The following RGS7 variants were observed in gnomAD, a reference collection of about 807,000 sequenced individuals.
RGS7 encodes the protein regulator of G protein signaling 7.
Under a neutral mutation model 81.1 loss-of-function variants are expected in RGS7, and 27 were observed. That is an observed-to-expected ratio of 0.33 (90% CI 0.25 to 0.46). The LOEUF (loss-of-function observed/expected upper bound fraction) is 0.46, where lower values mean the gene tolerates loss of function less well. RGS7 is among the 20% of genes least tolerant of loss of function. RGS7 has a pLI of 1.00. For synonymous variants in RGS7, 208 were observed against 207.7 expected, an observed-to-expected ratio of 1.00 and a Z score of -0.01; for missense variants, 396 against 607.4, an observed-to-expected ratio of 0.65 and a Z score of 3.66.
intron 2 of RGS7, among the ~76,000 whole-genome samples, chr1:241,202,001 GACACACACAGACAC>G (rs2073537336): frequency 2.9e-5 from 2 of 67,864 alleles, no homozygotes; most frequent in African/African-American, 7.9e-5. Flanking sequence ...CAAACACACA[GACACACACAGACAC>G]ACACACACAC....
At chr1:241,184,736 T>C (rs562372152) in intron 2 of RGS7, among the ~76,000 whole-genome samples, 1 of 152,228 alleles carries the variant, frequency 6.6e-6, no homozygotes, top group East Asian at 1.9e-4. Context: ...GAAATCTCAT[T>C]ATGAACGTGC....
intron 2 of RGS7, among the ~76,000 whole-genome samples, chr1:241,322,850 C>T (rs1046587533): frequency 2.0e-5 from 3 of 152,096 alleles, no homozygotes; most frequent in Non-Finnish European, 4.4e-5. Flanking sequence ...ATGTAAAATA[C>T]AGGTACTGTA....
At chr1:241,182,848 T>TGTTC (rs2071750545) in intron 2 of RGS7, among the ~76,000 whole-genome samples, 1 of 151,794 alleles carries the variant, frequency 6.6e-6, no homozygotes. Flanking sequence ...TTTGTTTGTT[T>TGTTC]GTTTTAGTAG....
At chr1:241,048,803 A>G (rs1409551462) in intron 3 of RGS7, among the ~76,000 whole-genome samples, 3 of 152,148 alleles carry the variant, frequency 2.0e-5, no homozygotes, top group African/African-American at 4.8e-5. Context: ...GGGTGGCTTA[A>G]AACAACAGAC....
chr1:241,100,844 T>C (rs1043790544), intron 2 of RGS7, among the ~76,000 whole-genome samples: 1 of 152,244 alleles, frequency 6.6e-6, no homozygotes, highest in Non-Finnish European at 1.5e-5. Context: ...TCCACCTTCA[T>C]GTTTCTTTCC....
At chr1:240,814,551 T>C (rs1412558989) in intron 12 of RGS7, among the ~76,000 whole-genome samples, 165 bp downstream of exon 12, 2 of 152,208 alleles carry the variant, frequency 1.3e-5, no homozygotes, top group African/African-American at 4.8e-5. Flanking sequence ...TCAAAAGAGT[T>C]CTTTGAAAGT....
chr1:240,841,941 T>A (rs1658087523), intron 9 of RGS7, among the ~76,000 whole-genome samples: 1 of 152,148 alleles, frequency 6.6e-6, no homozygotes, highest in African/African-American at 2.4e-5. Context: ...TTAAGATTCT[T>A]GGAAAAGTAG....
At chr1:241,195,455 G>A (rs1329596720) in intron 2 of RGS7, among the ~76,000 whole-genome samples, 3 of 151,976 alleles carry the variant, frequency 2.0e-5, no homozygotes, top group African/African-American at 7.3e-5. Context: ...CAGCCTGGGT[G>A]AAAAGAGCAA....
At chr1:241,180,382 A>C (rs1338118858) in intron 2 of RGS7, among the ~76,000 whole-genome samples, 1 of 151,874 alleles carries the variant, frequency 6.6e-6, no homozygotes, top group Non-Finnish European at 1.5e-5. Flanking sequence ...CTCAAAAAAA[A>C]CCAAAAAAAC....
At chr1:241,115,811 T>C (rs560388902) in intron 2 of RGS7, among the ~76,000 whole-genome samples, 2 of 152,258 alleles carry the variant, frequency 1.3e-5, no homozygotes, top group South Asian at 4.1e-4. Flanking sequence ...AAACCAAATC[T>C]TATGTGACCT....
At chr1:241,356,100 T>C (rs997599613) in intron 1 of RGS7, among the ~76,000 whole-genome samples, 2 of 152,232 alleles carry the variant, frequency 1.3e-5, no homozygotes, top group Non-Finnish European at 2.9e-5. Flanking sequence ...AAGTGTTTGA[T>C]GCTCACCCTA....
chr1:240,801,655 G>A (rs528373638), intron 16 of RGS7, 147 bp from the exon 17 acceptor site: 2 of 697,534 alleles, frequency 2.9e-6, no homozygotes, highest in Admixed American at 2.3e-5. Context: ...GCCCATAGAG[G>A]TTGGAGAGCC....
At chr1:241,230,063 TAA>T (rs2075566059) in intron 2 of RGS7, among the ~76,000 whole-genome samples, 1 of 119,962 alleles carries the variant, frequency 8.3e-6, no homozygotes, top group African/African-American at 3.3e-5. Flanking sequence ...AATTTATATT[TAA>T]GTTTTTTTTT....
chr1:241,279,577 C>T (rs1022710659), intron 2 of RGS7, among the ~76,000 whole-genome samples: 6 of 152,208 alleles, frequency 3.9e-5, no homozygotes, highest in Admixed American at 3.9e-4. Context: ...TAGCCAACCT[C>T]TTCCAATGCT....
chr1:240,805,791 A>G (rs938929969), intron 15 of RGS7, among the ~76,000 whole-genome samples: 1 of 152,152 alleles, frequency 6.6e-6, no homozygotes, highest in Non-Finnish European at 1.5e-5. Context: ...AAATCTTTTT[A>G]AAAAAATGTT....
chr1:240,849,328 T>A (rs1280383906), intron 9 of RGS7, among the ~76,000 whole-genome samples: 1 of 152,168 alleles, frequency 6.6e-6, no homozygotes, highest in African/African-American at 2.4e-5. Context: ...TTGAGCAGCA[T>A]CCTGAGTTAG....
At chr1:241,312,328 T>C (rs1486775905) in intron 2 of RGS7, among the ~76,000 whole-genome samples, 5 of 152,320 alleles carry the variant, frequency 3.3e-5, no homozygotes, top group Admixed American at 3.3e-4. Context: ...ACAGGCCTTG[T>C]GCTTGCTTTA....
intron 3 of RGS7, among the ~76,000 whole-genome samples, chr1:241,026,202 C>T (rs1402969808): frequency 2.0e-5 from 3 of 152,152 alleles, no homozygotes; most frequent in Admixed American, 1.3e-4. Context: ...TAGTGGTGTG[C>T]CTCACACACA....
In RGS7 at chr1:241,357,014, G is replaced by C. The variant is rs1446041882; in HGVS notation, c.-166C>G. On this transcript the variant is annotated 5_prime_UTR_variant, in exon 1 of 19. Coordinates refer to ENST00000440928, the MANE Select transcript of RGS7 (RefSeq NM_001364886.1). ...GGCAGGGTAGCTTCATCACACTCGC[G>C]GCGGATGCGGATTCCGCGCCGCCCC... 1 of 151,998 alleles carries C rather than the reference G, an allele frequency of 6.6e-6. No individual in the cohort carries two copies. The highest frequency in any genetic ancestry group is 1.5e-5 in the Non-Finnish European group (1 of 68,042). The allele number at this position is 151,998 out of a possible 1,614,324, so 9.4% of individuals were successfully genotyped here. A position where few individuals can be genotyped will look rare whatever the true frequency, so the allele number is the denominator to read the frequency against.
Sources: gnomAD v4.1 joint callset for allele counts (sites outside exome capture counted in the v4.1 genomes callset) on GRCh38, gnomAD v4.1.1 for gene constraint, MANE v1.5 for transcripts, NCBI Gene and HGNC (gene_info 2026-07-23, HGNC 2026-07-21) for gene names.